The following CTIF variants were observed in gnomAD, a reference collection of about 807,000 sequenced individuals.
The protein encoded by CTIF is cap binding complex dependent translation initiation factor.
A neutral mutation model predicts 66.0 loss-of-function variants in CTIF; 21 were observed. The ratio of observed to expected loss-of-function variants is 0.32; its 90% CI spans 0.23 to 0.46. The LOEUF is 0.46. Ranked by LOEUF, CTIF falls within the 20% of genes least tolerant of loss-of-function variation. The pLI is 1.00. For missense variants in CTIF, 739 were observed against 812.7 expected (o/e 0.91, Z 1.10); for synonymous variants, 345 against 326.4 (o/e 1.06, Z -0.62).
intron 1 of CTIF, among the ~76,000 whole-genome samples, chr18:48,542,492 T>G (rs975526488): frequency 1.3e-5 from 2 of 152,242 alleles, no homozygotes; most frequent in Non-Finnish European, 2.9e-5. Flanking sequence ...ACCTACATGT[T>G]TGTGTATCTA....
intron 1 of CTIF, among the ~76,000 whole-genome samples, chr18:48,584,215 T>C (rs1385651746): frequency 6.6e-6 from 1 of 152,218 alleles, no homozygotes. Flanking sequence ...CGACTGTATA[T>C]GATCACCCTT....
chr18:48,569,570 G>C (rs1009159944), intron 1 of CTIF, among the ~76,000 whole-genome samples: 1 of 152,164 alleles, frequency 6.6e-6, no homozygotes, highest in African/African-American at 2.4e-5. Flanking sequence ...AGCCGCACCA[G>C]TATACTTAAC....
intron 2 of CTIF, among the ~76,000 whole-genome samples, chr18:48,624,259 G>A (rs2090553621): frequency 6.6e-6 from 1 of 151,960 alleles, no homozygotes; most frequent in Admixed American, 6.5e-5. Context: ...ATCCTTGGGA[G>A]GAGGAGGGAT....
chr18:48,755,334 G>A (rs1468197075), intron 7 of CTIF, among the ~76,000 whole-genome samples: 3 of 152,242 alleles, frequency 2.0e-5, no homozygotes, highest in Non-Finnish European at 4.4e-5. Context: ...AGAGTGGTCT[G>A]TGGGCCACAG....
chr18:48,800,643 G>A (rs2068029840), intron 9 of CTIF, among the ~76,000 whole-genome samples: 1 of 152,168 alleles, frequency 6.6e-6, no homozygotes, highest in South Asian at 2.1e-4. Flanking sequence ...GAAGCAGGAG[G>A]AGCAGGCATC....
At chr18:48,690,052 A>G (rs1286261542) in intron 6 of CTIF, among the ~76,000 whole-genome samples, 1 of 152,190 alleles carries the variant, frequency 6.6e-6, no homozygotes, top group Non-Finnish European at 1.5e-5. Flanking sequence ...GATCATGCCC[A>G]GCCTTATTTT....
At chr18:48,816,098 C>T (rs958967201) in intron 9 of CTIF, among the ~76,000 whole-genome samples, 1 of 152,164 alleles carries the variant, frequency 6.6e-6, no homozygotes, top group Non-Finnish European at 1.5e-5. Flanking sequence ...TTGGGGGTCA[C>T]CTGACCTAGG....
intron 10 of CTIF, among the ~76,000 whole-genome samples, chr18:48,837,814 C>G (rs2068846735): frequency 6.6e-6 from 1 of 152,142 alleles, no homozygotes; most frequent in Admixed American, 6.5e-5. Flanking sequence ...ATCCCTCTCC[C>G]TGCTCCCAGA....
intron 1 of CTIF, among the ~76,000 whole-genome samples, chr18:48,594,291 T>C (rs2089949528): frequency 6.6e-6 from 1 of 152,138 alleles, no homozygotes; most frequent in South Asian, 2.1e-4. Context: ...TTGAAATTTT[T>C]ATTTTGAGCA....
In CTIF at chr18:48,844,864, C is replaced by T. The variant is rs916284769; in HGVS notation, c.1528-12724C>T. 4.6e-5 allele frequency among the ~76,000 whole-genome samples: 7 copies of T among 152,312 alleles called. No homozygotes were observed. In the East Asian group the frequency reaches 9.6e-4, roughly 21 times the overall value. On this transcript the variant is annotated intron_variant, in intron 10 of 11. Coordinates refer to ENST00000256413, the MANE Select transcript of CTIF (RefSeq NM_014772.3). ...CAAGCACCTATATCCATGGCCACAC[C>T]AGCCCTTCCTCCCACTTCAGAGGGC...
chr18:48,859,929 C>A lies in CTIF; in HGVS notation c.*370C>A. 1 of 488,530 alleles carries A rather than the reference C, an allele frequency of 2.0e-6. No homozygotes were observed. The highest frequency in any genetic ancestry group is 4.0e-6 in the Non-Finnish European group (1 of 248,748). The allele number at this position is 488,530 out of a possible 1,614,324, so 30.3% of individuals were successfully genotyped here. A position where few individuals can be genotyped will look rare whatever the true frequency, so the allele number is the denominator to read the frequency against. On this transcript the variant is annotated 3_prime_UTR_variant, in exon 12 of 12. Coordinates refer to ENST00000256413, the MANE Select transcript of CTIF (RefSeq NM_014772.3). ...CTCCTCGGAGACCTTGGCAGCCTCG[C>A]ACGCCGGGGCACCGCTTGGGTCAGA...
chr18:48,659,541 C>T (rs1226193174), intron 3 of CTIF, among the ~76,000 whole-genome samples: 1 of 152,226 alleles, frequency 6.6e-6, no homozygotes, highest in East Asian at 1.9e-4. Flanking sequence ...TGGGGTCCGG[C>T]TCCTTGGTTT....
At chr18:48,595,729 C>A (rs2089977127) in intron 1 of CTIF, among the ~76,000 whole-genome samples, 1 of 152,170 alleles carries the variant, frequency 6.6e-6, no homozygotes, top group South Asian at 2.1e-4. Flanking sequence ...TTTGTTATTT[C>A]ATGGTTTATG....
chr18:48,831,519 A>G (rs1160260068), intron 10 of CTIF, among the ~76,000 whole-genome samples: 1 of 152,132 alleles, frequency 6.6e-6, no homozygotes, highest in Non-Finnish European at 1.5e-5. Flanking sequence ...GGAGGAAGTT[A>G]GGAGTATGTG....
At chr18:48,779,514 G>A (rs1305316554) in intron 9 of CTIF, among the ~76,000 whole-genome samples, 1 of 152,212 alleles carries the variant, frequency 6.6e-6, no homozygotes, top group African/African-American at 2.4e-5. Context: ...GCTGAGGAGA[G>A]GTGACAGGGA....
intron 3 of CTIF, among the ~76,000 whole-genome samples, chr18:48,640,206 C>T (rs946660706): frequency 6.6e-6 from 1 of 152,208 alleles, no homozygotes; most frequent in Non-Finnish European, 1.5e-5. Context: ...CATGAGCACC[C>T]CGGCTGGCTC....
intron 9 of CTIF, among the ~76,000 whole-genome samples, chr18:48,785,078 T>C (rs570673803): frequency 7.5e-4 from 114 of 152,282 alleles, no homozygotes; most frequent in African/African-American, 2.6e-3. Flanking sequence ...GGCACTAGGG[T>C]GAATTTCTTT....
At chr18:48,804,123 G>A (rs569408227) in intron 9 of CTIF, among the ~76,000 whole-genome samples, 16 of 152,312 alleles carry the variant, frequency 1.1e-4, no homozygotes, top group Admixed American at 7.2e-4. Flanking sequence ...ATGGTCAGGG[G>A]TCGTTGGCCA....
At chr18:48,618,292 T>A (rs1030114857) in intron 1 of CTIF, among the ~76,000 whole-genome samples, 1 of 152,272 alleles carries the variant, frequency 6.6e-6, no homozygotes, top group African/African-American at 2.4e-5. Flanking sequence ...CCTTTATTAC[T>A]GGCAGCAGCA....
Sources: gnomAD v4.1 joint callset for allele counts (sites outside exome capture counted in the v4.1 genomes callset) on GRCh38, gnomAD v4.1.1 for gene constraint, MANE v1.5 for transcripts, NCBI Gene and HGNC (gene_info 2026-07-23, HGNC 2026-07-21) for gene names.